Variants in SLCO6A1 observed in about 807,000 individuals in gnomAD.
SLCO6A1 encodes cancer/testis antigen 48.
A neutral mutation model predicts 72.7 loss-of-function variants in SLCO6A1; 65 were observed. The observed-to-expected ratio is 0.89, with a 90% CI of 0.73 to 1.10. The LOEUF (loss-of-function observed/expected upper bound fraction) is 1.10, where lower values mean the gene tolerates loss of function less well. SLCO6A1 is among the 50% of genes least tolerant of loss of function. The pLI, the probability that SLCO6A1 is intolerant of heterozygous loss-of-function variation, is 0.00. For missense variants in SLCO6A1, 874 were observed against 872.6 expected, an observed-to-expected ratio of 1.00 and a Z score of -0.02; for synonymous variants, 314 against 298.2, an observed-to-expected ratio of 1.05 and a Z score of -0.55.
intron 10 of SLCO6A1, among the ~76,000 whole-genome samples, chr5:102,391,640 C>A (rs998409941): frequency 1.3e-5 from 2 of 151,980 alleles, no homozygotes; most frequent in African/African-American, 4.8e-5. Flanking sequence ...TTCTTCCCAG[C>A]CCTTGTTTCT....
intron 6 of SLCO6A1, among the ~76,000 whole-genome samples, chr5:102,457,673 C>G (rs1750801164): frequency 6.6e-6 from 1 of 152,128 alleles, no homozygotes; most frequent in Non-Finnish European, 1.5e-5. Flanking sequence ...ACTAGTTCAA[C>G]CATTGCGGAA....
chr5:102,477,585 C>A (rs986595471), intron 3 of SLCO6A1, 91 bp downstream of exon 3: 2 of 1,012,558 alleles, frequency 2.0e-6, no homozygotes, highest in Non-Finnish European at 2.9e-6. Flanking sequence ...TCATAAGGGC[C>A]AATAGTACTT....
chr5:102,373,456 T>A lies in SLCO6A1; in HGVS notation c.2056A>T (p.Ile686Phe). ...CGACGTTTGTATATGAAAAATGCAATAGTAGTGAAGATGATAGTGCATAGT... is the reference window on the plus strand; with the variant it reads ...CGACGTTTGTATATGAAAAATGCAAAAGTAGTGAAGATGATAGTGCATAGT... ...CKLCTIIFTT[I>F]AFFIYKRRLN... The change falls in exon 13 of 14, where the codon ATT (isoleucine) becomes TTT (phenylalanine). Residue 686 changes from isoleucine to phenylalanine, a missense_variant. Ile to Phe is a conservative substitution (Grantham distance 21). Coordinates refer to ENST00000506729, the MANE Select transcript of SLCO6A1 (RefSeq NM_173488.5). 6.4e-7 allele frequency: 1 copy of A among 1,569,082 alleles called. No homozygotes were observed. The highest frequency in any genetic ancestry group is 8.6e-7 in the Non-Finnish European group (1 of 1,159,584).
chr5:102,437,589 A>C (rs1250556742), intron 7 of SLCO6A1, among the ~76,000 whole-genome samples: 1 of 152,076 alleles, frequency 6.6e-6, no homozygotes. Flanking sequence ...TCATGAAAAA[A>C]TTTGTCATTA....
intron 6 of SLCO6A1, among the ~76,000 whole-genome samples, chr5:102,456,461 AACAG>A (rs1750722294): frequency 6.6e-6 from 1 of 152,196 alleles, no homozygotes; most frequent in Non-Finnish European, 1.5e-5. Flanking sequence ...ATACACCAGT[AACAG>A]ACAAACAGCC....
At chr5:102,373,823 G>A (rs969337230) in intron 12 of SLCO6A1, among the ~76,000 whole-genome samples, 1 of 152,122 alleles carries the variant, frequency 6.6e-6, no homozygotes, top group South Asian at 2.1e-4. Flanking sequence ...CCAGAGCTAA[G>A]TCATTTCATG....
intron 10 of SLCO6A1, among the ~76,000 whole-genome samples, chr5:102,395,608 A>G (rs560987878): frequency 6.6e-6 from 1 of 152,268 alleles, no homozygotes; most frequent in Non-Finnish European, 1.5e-5. Context: ...TCCCTAAGGA[A>G]TCGCCACACT....
intron 9 of SLCO6A1, among the ~76,000 whole-genome samples, chr5:102,410,939 A>C (rs747029525): frequency 3.3e-5 from 5 of 152,194 alleles, no homozygotes; most frequent in Admixed American, 6.5e-5. Flanking sequence ...GCAGAAAGAG[A>C]AACAGCAAAA....
chr5:102,483,448 G>C (rs1752306276), intron 1 of SLCO6A1, among the ~76,000 whole-genome samples: 4 of 152,038 alleles, frequency 2.6e-5, no homozygotes, highest in Admixed American at 6.6e-5. Context: ...AATAGTGAGT[G>C]GTACAATAGC....
chr5:102,412,239 T>C (rs1441083432), intron 9 of SLCO6A1, among the ~76,000 whole-genome samples: 1 of 152,046 alleles, frequency 6.6e-6, no homozygotes, highest in Non-Finnish European at 1.5e-5. Flanking sequence ...TTGACTGATG[T>C]CTCATGCCTC....
At chr5:102,411,994 TGA>T in intron 9 of SLCO6A1, among the ~76,000 whole-genome samples, 1 of 152,194 alleles carries the variant, frequency 6.6e-6, no homozygotes, top group East Asian at 1.9e-4. Context: ...GTAGCCACTA[TGA>T]GACTTCAAAA....
chr5:102,414,865 A>T (rs1748187404), intron 8 of SLCO6A1, among the ~76,000 whole-genome samples: 1 of 152,052 alleles, frequency 6.6e-6, no homozygotes, highest in Non-Finnish European at 1.5e-5. Context: ...ACGGCACTGC[A>T]GCCTGGGCAA....
rs1336392094 is a variant in SLCO6A1 at position 102,389,455 on chromosome 5, C to T, written c.1880-630G>A. On this transcript the variant is annotated intron_variant, in intron 11 of 13. Transcript: ENST00000506729. Reference sequence around the variant, plus strand: ...ACAGTCACACACCCCGCCCCCCACCCCCACACACACAGAGTTGCCCCCAAA... The same window carrying T: ...ACAGTCACACACCCCGCCCCCCACCTCCACACACACAGAGTTGCCCCCAAA... 1.6e-4 allele frequency among the ~76,000 whole-genome samples: 9 copies of T among 57,450 alleles called. 2 individuals are homozygous for T. Among genetic ancestry groups the T allele is most frequent in the African/African-American group, 4.1e-4 (9 of 21,920 alleles). 37.7% of individuals were successfully genotyped at this position (57,450 alleles called of 152,430 possible). A position where few individuals can be genotyped will look rare whatever the true frequency, so the allele number is the denominator to read the frequency against.
intron 10 of SLCO6A1, among the ~76,000 whole-genome samples, chr5:102,392,643 A>G (rs1379647194): frequency 3.9e-5 from 6 of 152,098 alleles, no homozygotes; most frequent in African/African-American, 1.4e-4. Flanking sequence ...AAAATAGCTA[A>G]GAAATACGAA....
At chr5:102,406,853 A>T (rs1747698745) in intron 9 of SLCO6A1, among the ~76,000 whole-genome samples, 1 of 152,220 alleles carries the variant, frequency 6.6e-6, no homozygotes, top group Admixed American at 6.6e-5. Context: ...TAGTAACTGG[A>T]AGATAGATGA....
intron 6 of SLCO6A1, among the ~76,000 whole-genome samples, chr5:102,444,050 C>T (rs532856916): frequency 6.6e-6 from 1 of 152,218 alleles, no homozygotes; most frequent in East Asian, 1.9e-4. Flanking sequence ...GGATTGCTTT[C>T]CAGTTAGGCT....
intron 12 of SLCO6A1, among the ~76,000 whole-genome samples, chr5:102,385,658 T>C (rs1031564231): frequency 2.6e-5 from 4 of 152,090 alleles, no homozygotes; most frequent in Middle Eastern, 3.2e-3. Flanking sequence ...ATTTCTTTTT[T>C]ATGGCTTGTA....
At chr5:102,451,880 C>A (rs916434308) in intron 6 of SLCO6A1, among the ~76,000 whole-genome samples, 1 of 152,200 alleles carries the variant, frequency 6.6e-6, no homozygotes, top group African/African-American at 2.4e-5. Flanking sequence ...CATCTTGGCA[C>A]TCTCTAATAT....
At chr5:102,450,018 C>T (rs1750330636) in intron 6 of SLCO6A1, among the ~76,000 whole-genome samples, 1 of 152,110 alleles carries the variant, frequency 6.6e-6, no homozygotes, top group South Asian at 2.1e-4. Flanking sequence ...GCTACTTAAG[C>T]TTTCATCACT....
Sources: allele counts gnomAD v4.1 joint callset (sites outside exome capture counted in the v4.1 genomes callset), GRCh38; gene constraint gnomAD v4.1.1; transcripts MANE v1.5; gene names NCBI Gene and HGNC (gene_info 2026-07-23, HGNC 2026-07-21).